MARK1: variants seen among roughly 807,000 people sequenced by gnomAD.
MARK1 encodes microtubule affinity regulating kinase 1.
MARK1 carries 40 observed loss-of-function variants against 96.3 expected under a neutral mutation model. The ratio of observed to expected loss-of-function variants is 0.42; its 90% CI spans 0.32 to 0.54. The LOEUF is 0.54. Ranked by LOEUF, MARK1 falls within the 20% of genes least tolerant of loss-of-function variation. MARK1 has a pLI of 0.16. For missense variants in MARK1, 719 were observed against 984.6 expected (o/e 0.73, Z 3.61); for synonymous variants, 317 against 341.2 (o/e 0.93, Z 0.78).
chr1:220,607,912 T>C (rs1278666177), intron 6 of MARK1, among the ~76,000 whole-genome samples: 1 of 152,186 alleles, frequency 6.6e-6, no homozygotes, highest in Non-Finnish European at 1.5e-5. Context: ...GCTGACTGCA[T>C]TGTGGTGGAT....
At chr1:220,646,436 G>A (rs1217602874) in intron 13 of MARK1, among the ~76,000 whole-genome samples, 2 of 152,148 alleles carry the variant, frequency 1.3e-5, no homozygotes, top group South Asian at 2.1e-4. Flanking sequence ...AACATTCCAC[G>A]TTCATGGATA....
At chr1:220,534,201 T>A (rs1660522943) in intron 1 of MARK1, among the ~76,000 whole-genome samples, 1 of 152,090 alleles carries the variant, frequency 6.6e-6, no homozygotes, top group Admixed American at 6.5e-5. Context: ...TTAGTGCATA[T>A]TTTGGGGGTA....
At chr1:220,587,329 TTCTCTCTCTC>T (rs57932958) in intron 3 of MARK1, among the ~76,000 whole-genome samples, 3 of 135,886 alleles carry the variant, frequency 2.2e-5, no homozygotes, top group African/African-American at 5.6e-5. Flanking sequence ...CTCTCTTTCT[TTCTCTCTCTC>T]TCTCTCTCTC....
chr1:220,559,860 A>G (rs1369688594), intron 1 of MARK1, among the ~76,000 whole-genome samples: 3 of 149,892 alleles, frequency 2.0e-5, no homozygotes, highest in Non-Finnish European at 4.4e-5. Context: ...AATGAAGTGG[A>G]AGTTTTAGAG....
intron 9 of MARK1, among the ~76,000 whole-genome samples, chr1:220,629,802 A>G (rs1473616990): frequency 1.3e-5 from 2 of 152,170 alleles, no homozygotes; most frequent in East Asian, 3.8e-4. Flanking sequence ...AGGCTGAATA[A>G]TATTTATTTG....
intron 11 of MARK1, among the ~76,000 whole-genome samples, chr1:220,634,985 GT>G (rs1268198040): frequency 2.6e-5 from 4 of 152,040 alleles, no homozygotes; most frequent in African/African-American, 9.7e-5. Context: ...TTTAACCTCA[GT>G]TTTTCCATCT....
chr1:220,660,648 C>T (rs6695583), intron 17 of MARK1, among the ~76,000 whole-genome samples: 88,520 of 151,950 alleles, frequency 0.58, 27,010 homozygotes, highest in Non-Finnish European at 0.68. Context: ...TTCTGTATCA[C>T]GAATAATCTA....
chr1:220,564,827 G>C (rs1572089134), intron 1 of MARK1, among the ~76,000 whole-genome samples: 2 of 152,094 alleles, frequency 1.3e-5, no homozygotes, highest in East Asian at 3.9e-4. Context: ...TTGAAGTGTA[G>C]GGACTTCATC....
intron 6 of MARK1, among the ~76,000 whole-genome samples, chr1:220,605,365 C>A (rs907689828): frequency 1.3e-5 from 2 of 152,020 alleles, no homozygotes; most frequent in Non-Finnish European, 2.9e-5. Context: ...AGGAAAACAA[C>A]TTTAAGAAAC....
chr1:220,582,194 T>C (rs776527332), intron 3 of MARK1, among the ~76,000 whole-genome samples: 7 of 152,194 alleles, frequency 4.6e-5, no homozygotes, highest in Non-Finnish European at 8.8e-5. Context: ...TTTGAAAATT[T>C]GACAACCAGT....
intron 3 of MARK1, among the ~76,000 whole-genome samples, chr1:220,590,988 T>C (rs1044950921): frequency 3.3e-5 from 5 of 152,200 alleles, no homozygotes; most frequent in African/African-American, 9.6e-5. Flanking sequence ...TGGCCCTGCC[T>C]ACACGTCTTT....
intron 1 of MARK1, among the ~76,000 whole-genome samples, chr1:220,540,684 T>G (rs1383369572): frequency 1.3e-5 from 2 of 151,660 alleles, no homozygotes; most frequent in African/African-American, 4.8e-5. Flanking sequence ...TCAGTTGTAT[T>G]ATTTCCTCTT....
chr1:220,575,915 A>G (rs891185993), intron 1 of MARK1, among the ~76,000 whole-genome samples: 5 of 149,498 alleles, frequency 3.3e-5, no homozygotes, highest in African/African-American at 1.2e-4. Flanking sequence ...TGGGGATGCA[A>G]AATAATCAAG....
At chr1:220,597,593 T>G (rs1421187969) in intron 3 of MARK1, among the ~76,000 whole-genome samples, 2 of 152,222 alleles carry the variant, frequency 1.3e-5, no homozygotes, top group African/African-American at 2.4e-5. Flanking sequence ...AAAATGCATA[T>G]GTCTTAATAT....
intron 3 of MARK1, among the ~76,000 whole-genome samples, chr1:220,585,688 A>G: frequency 6.6e-6 from 1 of 152,202 alleles, no homozygotes; most frequent in East Asian, 1.9e-4. Context: ...TTTTGAGTTT[A>G]GTAAGCTCAA....
chr1:220,548,817 G>A (rs1451463555), intron 1 of MARK1, among the ~76,000 whole-genome samples: 2 of 152,100 alleles, frequency 1.3e-5, no homozygotes, highest in African/African-American at 4.8e-5. Context: ...GTAATTTCTG[G>A]CATGAGTTTG....
At position 220,596,836 on chromosome 1, in the gene MARK1, C is replaced by T. The variant is rs575665384; in HGVS notation, c.310-1495C>T. On this transcript the variant is annotated intron_variant, in intron 3 of 17. Coordinates refer to ENST00000366917, the MANE Select transcript of MARK1 (RefSeq NM_018650.5). ...TGTTTTTCGTCTTCCAAAACAGAAA[C>T]TCTGTACTCATTAAACAGTAACCCG... Among the ~76,000 whole-genome samples, 8 of 152,266 alleles carry T rather than the reference C, an allele frequency of 5.3e-5. 1 individual carries two copies. The South Asian group carries it at 1.7e-3, about 32-fold the overall frequency.
intron 16 of MARK1, among the ~76,000 whole-genome samples, chr1:220,655,848 C>T (rs1300070367): frequency 6.6e-6 from 1 of 152,114 alleles, no homozygotes; most frequent in Non-Finnish European, 1.5e-5. Context: ...CCTTGTGTAA[C>T]CTGGCCATCC....
At chr1:220,639,972 G>A (rs1668180239) in intron 13 of MARK1, among the ~76,000 whole-genome samples, 1 of 152,090 alleles carries the variant, frequency 6.6e-6, no homozygotes, top group South Asian at 2.1e-4. Context: ...TGACATTGAT[G>A]GTGTGGCCCA....
Sources: allele counts gnomAD v4.1 joint callset (sites outside exome capture counted in the v4.1 genomes callset), GRCh38; gene constraint gnomAD v4.1.1; transcripts MANE v1.5; gene names NCBI Gene and HGNC (gene_info 2026-07-23, HGNC 2026-07-21).